Variants in BIN2 observed in about 807,000 individuals in gnomAD.
BIN2 encodes the protein bridging integrator 2.
BIN2 carries 43 observed loss-of-function variants against 67.9 expected under a neutral mutation model. That is an observed-to-expected ratio of 0.63 (90% CI 0.50 to 0.82). The LOEUF (loss-of-function observed/expected upper bound fraction) is 0.82. Ranked by LOEUF, BIN2 falls within the 40% of genes least tolerant of loss-of-function variation. The pLI is 0.00. For missense variants in BIN2, 581 were observed against 671.6 expected (o/e 0.87, Z 1.49); for synonymous variants, 244 against 246.8 (o/e 0.99, Z 0.11).
At chr12:51,283,688 T>C (rs899874109) in intron 12 of BIN2, among the ~76,000 whole-genome samples, 14 of 151,976 alleles carry the variant, frequency 9.2e-5, no homozygotes, top group African/African-American at 3.4e-4. Context: ...GCTTACAGAA[T>C]AAGGATATAA....
chr12:51,302,776 C>T lies in BIN2; in HGVS notation c.222G>A (p.Met74Ile), dbSNP rs1199706594. ...CTGACACTCTTTTTGAACTTTCATG[C>T]ATCACTGAAAGGAGAGAATTCAGTC... Reference protein sequence around the residue: ...LKNFLSAVKVMHESSKRVSET... With the variant: ...LKNFLSAVKVIHESSKRVSET... Residue 74 changes from methionine to isoleucine, a missense_variant, in exon 4 of 13, where the codon ATG (methionine) becomes ATA (isoleucine). Physicochemically the swap from Met to Ile is conservative, Grantham distance 10. Coordinates refer to ENST00000615107, the MANE Select transcript of BIN2 (RefSeq NM_016293.4). 6.2e-7 allele frequency: 1 copy of T among 1,611,732 alleles called. No homozygotes were observed. Among genetic ancestry groups the T allele is most frequent in the South Asian group, 1.1e-5 (1 of 91,050 alleles).
chr12:51,288,003 C>G (rs1945283224), intron 11 of BIN2, 105 bp downstream of exon 11: 1 of 797,412 alleles, frequency 1.3e-6, no homozygotes, highest in Admixed American at 2.4e-5. Flanking sequence ...TCATGTGAAT[C>G]AAGACTGAAG....
intron 9 of BIN2, 106 bp from the exon 10 acceptor site, chr12:51,292,450 A>C: frequency 7.8e-7 from 1 of 1,284,590 alleles, no homozygotes; most frequent in Non-Finnish European, 1.0e-6. Context: ...AGCAATTTAA[A>C]ATGTTAGAAA....
intron 2 of BIN2, among the ~76,000 whole-genome samples, chr12:51,312,273 A>T (rs1023440715): frequency 2.6e-5 from 4 of 152,206 alleles, no homozygotes; most frequent in Admixed American, 2.0e-4. Context: ...TTATACAAAA[A>T]ATATTTCTGC....
intron 1 of BIN2, among the ~76,000 whole-genome samples, chr12:51,317,585 G>A (rs1410766976): frequency 1.3e-5 from 2 of 151,644 alleles, no homozygotes; most frequent in Non-Finnish European, 2.9e-5. Context: ...AGGAGAATCG[G>A]TTAAAGGGTT....
intron 6 of BIN2, 28 bp from the exon 7 acceptor site, chr12:51,299,316 T>A (rs1945656958): frequency 1.3e-6 from 2 of 1,591,624 alleles, no homozygotes; most frequent in African/African-American, 2.7e-5. Context: ...CAAGACAATC[T>A]CCCTCAATTC....
chr12:51,281,432 C>A lies in BIN2; in HGVS notation c.*67G>T. 1 of 1,519,296 alleles carries A rather than the reference C, an allele frequency of 6.6e-7. No individual in the cohort carries two copies. 94.1% of individuals were successfully genotyped at this position (1,519,296 alleles called of 1,614,324 possible). A position where few individuals can be genotyped will look rare whatever the true frequency, so the allele number is the denominator to read the frequency against. On this transcript the variant is annotated 3_prime_UTR_variant, in exon 13 of 13. Transcript: ENST00000615107. Reference sequence around the variant, plus strand: ...ATGCTGGCTCTTATATCCCTCTGACCTATACCCTCTGGTTGAAGAGCTTCT... The same window carrying A: ...ATGCTGGCTCTTATATCCCTCTGACATATACCCTCTGGTTGAAGAGCTTCT...
At chr12:51,324,325 G>A (rs942551670), upstream of BIN2, 4 of 1,333,608 alleles carry the variant, frequency 3.0e-6, no homozygotes, top group Admixed American at 1.3e-4. Context: ...CTCAGGCAGC[G>A]CTCGCTCGAG....
chr12:51,284,751 T>C lies in BIN2; in HGVS notation c.1633A>G (p.Asn545Asp), dbSNP rs781380098. The C allele has an allele frequency of 1.2e-6, 2 of 1,613,644 alleles. No individual in the cohort carries two copies. The highest frequency in any genetic ancestry group is 1.1e-5 in the South Asian group (1 of 91,080). Residue 545 changes from asparagine to aspartate, a missense_variant, in exon 12 of 13, where the codon AAC becomes GAC. Transcript: ENST00000615107. Reference sequence around the variant, plus strand: ...GGTTCAGGTGCTGTGAGGTTGTTGTTTTCTGGTACCATGGAGACTTGAAGC... The same window carrying C: ...GGTTCAGGTGCTGTGAGGTTGTTGTCTTCTGGTACCATGGAGACTTGAAGC... The part of the protein sequence containing the change: ...DQLQVSMVPE[N>D]NNLTAPEPQE...
chr12:51,291,926 C>T lies in BIN2; in HGVS notation c.1180G>A (p.Ala394Thr), dbSNP rs563615819. The change falls in exon 10 of 13, where the codon GCA becomes ACA. Residue 394 changes from alanine (A) to threonine (T), a missense_variant. Coordinates refer to ENST00000615107, the MANE Select transcript of BIN2 (RefSeq NM_016293.4). ...TTTGGTTGTTCAGATCCTTCACTTG[C>T]GGTGCGGGTTCGGAGGACTACTTCT... is the stretch of plus-strand genomic sequence containing the variant. ...ATEVVLRTRT[A>T]SEGSEQPKKR... is the part of the protein sequence containing the mutation. 15 of 1,614,154 alleles carry T rather than the reference C, an allele frequency of 9.3e-6. No individual in the cohort carries two copies. The South Asian group carries it at 1.1e-4, about 12-fold the overall frequency.
At chr12:51,296,610 A>G (rs1945574877) in intron 8 of BIN2, among the ~76,000 whole-genome samples, 1 of 152,186 alleles carries the variant, frequency 6.6e-6, no homozygotes, top group African/African-American at 2.4e-5. Flanking sequence ...TAACTAATAT[A>G]AATGTTGTAG....
intron 9 of BIN2, among the ~76,000 whole-genome samples, chr12:51,295,509 GC>G (rs1263854199): frequency 1.4e-5 from 2 of 142,848 alleles, no homozygotes; most frequent in Non-Finnish European, 3.0e-5. Flanking sequence ...CTTGCAGTGA[GC>G]CTAGATCGCG....
At chr12:51,319,779 A>AT (rs750169173) in intron 1 of BIN2, among the ~76,000 whole-genome samples, 26 of 152,116 alleles carry the variant, frequency 1.7e-4, no homozygotes, top group Non-Finnish European at 3.7e-4. Context: ...ATTACTACAT[A>AT]TATCTTTGGT....
At chr12:51,301,924 C>T (rs74093810) in intron 5 of BIN2, 96 bp downstream of exon 5, 92,287 of 835,700 alleles carry the variant, frequency 0.11, 5,654 homozygotes, top group East Asian at 0.21. Flanking sequence ...CATTCTTAAT[C>T]GTGAGTTCTA....
In BIN2 at chr12:51,305,523, C is replaced by T. The variant is rs536122957; in HGVS notation, c.163-2382G>A. 3.4e-4 allele frequency among the ~76,000 whole-genome samples: 52 copies of T among 151,070 alleles called. 1 individual carries two copies. In the South Asian group the frequency reaches 8.1e-3, roughly 24 times the overall value. On this transcript the variant is annotated intron_variant, in intron 2 of 12. Coordinates refer to ENST00000615107, the MANE Select transcript of BIN2 (RefSeq NM_016293.4). Reference sequence around the variant, plus strand: ...CCTGTAATCTCAGCTACTCAGGAGGCTGAGGCAGGAGAATCACTTGAACCC... The same window carrying T: ...CCTGTAATCTCAGCTACTCAGGAGGTTGAGGCAGGAGAATCACTTGAACCC...
chr12:51,303,046 G>A, intron 3 of BIN2, 41 bp downstream of exon 3: 1 of 1,602,286 alleles, frequency 6.2e-7, no homozygotes. Context: ...CCTAGTAGCT[G>A]TATAAATGCC....
chr12:51,313,601 A>G (rs1450588918), intron 2 of BIN2, among the ~76,000 whole-genome samples: 1 of 151,988 alleles, frequency 6.6e-6, no homozygotes, highest in East Asian at 1.9e-4. Flanking sequence ...TCGCCCTCCC[A>G]AAGTGTTGGG....
At chr12:51,283,312 T>TG (rs1945160143) in intron 12 of BIN2, among the ~76,000 whole-genome samples, 1 of 150,484 alleles carries the variant, frequency 6.6e-6, no homozygotes, top group South Asian at 2.1e-4. Flanking sequence ...AAACATTAAC[T>TG]GTAAAACAGC....
intron 7 of BIN2, among the ~76,000 whole-genome samples, chr12:51,298,790 TG>T (rs1411468917): frequency 2.0e-5 from 3 of 151,992 alleles, no homozygotes; most frequent in Non-Finnish European, 4.4e-5. Context: ...AAAATCTGGC[TG>T]GGCATGGTGG....
Sources: allele counts gnomAD v4.1 joint callset (sites outside exome capture counted in the v4.1 genomes callset), GRCh38; gene constraint gnomAD v4.1.1; transcripts MANE v1.5; gene names NCBI Gene and HGNC (gene_info 2026-07-23, HGNC 2026-07-21).